The following ULK4 variants were observed in gnomAD, a reference collection of about 807,000 sequenced individuals.
The protein encoded by ULK4 is unc-51 like kinase 4.
A neutral mutation model predicts 160.6 loss-of-function variants in ULK4; 133 were observed. The observed-to-expected ratio is 0.83, with a 90% CI of 0.72 to 0.96. The LOEUF (loss-of-function observed/expected upper bound fraction) is 0.96. Among genes scored for constraint, ULK4 ranks in the 40% least tolerant of loss-of-function variants. The probability of loss-of-function intolerance (pLI) is 0.00; values close to 1 mark genes in which losing one functional copy is unlikely to be tolerated. For missense variants in ULK4, 1,580 were observed against 1,499.5 expected (o/e 1.05, Z -0.89); for synonymous variants, 534 against 539.8 (o/e 0.99, Z 0.15).
At chr3:41,620,316 C>A (rs1468975967) in intron 30 of ULK4, among the ~76,000 whole-genome samples, 1 of 150,728 alleles carries the variant, frequency 6.6e-6, no homozygotes. Context: ...AAAACAACAA[C>A]AAAAAATTTC....
At chr3:41,592,318 G>T (rs1289598776) in intron 31 of ULK4, among the ~76,000 whole-genome samples, 1 of 152,182 alleles carries the variant, frequency 6.6e-6, no homozygotes, top group East Asian at 1.9e-4. Context: ...GAAAAGCCCT[G>T]TGGGCTCTCT....
intron 30 of ULK4, among the ~76,000 whole-genome samples, chr3:41,628,507 T>G (rs1353366101): frequency 6.6e-6 from 1 of 152,108 alleles, no homozygotes. Context: ...CGGAAAAACA[T>G]GAGACAAACT....
intron 32 of ULK4, among the ~76,000 whole-genome samples, chr3:41,562,797 G>A (rs182718187): frequency 6.6e-6 from 1 of 152,212 alleles, no homozygotes; most frequent in East Asian, 1.9e-4. Context: ...ACACTGATGG[G>A]TCTTGATTCT....
chr3:41,354,010 T>C (rs1270133035), intron 35 of ULK4, among the ~76,000 whole-genome samples: 2 of 152,084 alleles, frequency 1.3e-5, no homozygotes, highest in Non-Finnish European at 2.9e-5. Flanking sequence ...GGCTCCACTG[T>C]CCCATGAGGA....
At chr3:41,956,258 A>T (rs946552544) in intron 1 of ULK4, among the ~76,000 whole-genome samples, 2 of 152,188 alleles carry the variant, frequency 1.3e-5, no homozygotes, top group African/African-American at 4.8e-5. Context: ...TGCAACCAAT[A>T]GACCGATTGC....
intron 32 of ULK4, among the ~76,000 whole-genome samples, chr3:41,533,113 C>A (rs1269797939): frequency 6.6e-6 from 1 of 152,128 alleles, no homozygotes; most frequent in African/African-American, 2.4e-5. Context: ...GTCCACCCTC[C>A]CCATACTGAG....
At chr3:41,617,393 C>T (rs1012987107) in intron 30 of ULK4, among the ~76,000 whole-genome samples, 6 of 152,216 alleles carry the variant, frequency 3.9e-5, no homozygotes, top group Non-Finnish European at 8.8e-5. Flanking sequence ...CAGGCCGGTG[C>T]CCCTCTGGGA....
At chr3:41,372,652 G>C (rs965714946) in intron 35 of ULK4, among the ~76,000 whole-genome samples, 11 of 152,168 alleles carry the variant, frequency 7.2e-5, no homozygotes, top group African/African-American at 2.7e-4. Flanking sequence ...ACTAAATATG[G>C]AAAGGAAAAG....
At chr3:41,842,105 C>G (rs578059060) in intron 17 of ULK4, among the ~76,000 whole-genome samples, 1 of 149,864 alleles carries the variant, frequency 6.7e-6, no homozygotes, top group East Asian at 2.0e-4. Flanking sequence ...CCACATCCCC[C>G]TCTCTGAGAA....
intron 25 of ULK4, among the ~76,000 whole-genome samples, chr3:41,708,129 TA>T (rs2036968484): frequency 6.6e-6 from 1 of 151,698 alleles, no homozygotes; most frequent in Non-Finnish European, 1.5e-5. Context: ...ATTAAAAATA[TA>T]AGTACCATAT....
At chr3:41,322,416 T>C (rs1431497936) in intron 35 of ULK4, among the ~76,000 whole-genome samples, 1 of 152,202 alleles carries the variant, frequency 6.6e-6, no homozygotes, top group Non-Finnish European at 1.5e-5. Flanking sequence ...CAGACAAATT[T>C]TTCTGAGGAG....
intron 27 of ULK4, among the ~76,000 whole-genome samples, chr3:41,697,349 C>G (rs974431303): frequency 2.6e-5 from 4 of 151,834 alleles, no homozygotes; most frequent in South Asian, 2.1e-4. Flanking sequence ...CTTGAGTAAG[C>G]CCAGACTAAC....
chr3:41,894,562 C>A (rs1698086845), intron 16 of ULK4, among the ~76,000 whole-genome samples: 1 of 152,132 alleles, frequency 6.6e-6, no homozygotes, highest in Non-Finnish European at 1.5e-5. Flanking sequence ...ACTTCTACAA[C>A]CCCAACCCCA....
At chr3:41,282,920 C>G (rs1254378479) in intron 35 of ULK4, among the ~76,000 whole-genome samples, 1 of 149,068 alleles carries the variant, frequency 6.7e-6, no homozygotes, top group Non-Finnish European at 1.5e-5. Flanking sequence ...GGGCTAATAT[C>G]TAGAATCTAC....
chr3:41,717,846 G>C lies in ULK4; in HGVS notation c.2337C>G (p.Ile779Met), dbSNP rs370220766. The C allele has an allele frequency of 4.3e-6, 7 of 1,613,810 alleles. No individual in the cohort carries two copies. In the East Asian group the frequency reaches 1.6e-4, roughly 36 times the overall value. The change falls in exon 23 of 37, where the codon ATC (isoleucine) becomes ATG (methionine). Residue 779 changes from isoleucine (I) to methionine (M), a missense_variant. Coordinates refer to ENST00000301831, the MANE Select transcript of ULK4 (RefSeq NM_017886.4). ...GAGTGGTCTTTCTGCTGTCTCTCTC[G>C]ATGTACATCACCAGTCTACATACAG... ...LSCQARLVMYIERDSRKTTPG... is the reference protein window; with the variant it reads ...LSCQARLVMYMERDSRKTTPG...
chr3:41,777,914 A>G (rs1469013176), intron 21 of ULK4, among the ~76,000 whole-genome samples: 1 of 141,876 alleles, frequency 7.0e-6, no homozygotes, highest in Admixed American at 7.1e-5. Context: ...TCCCTTTGAA[A>G]ACTGGCACAA....
In ULK4 at chr3:41,663,666, T is replaced by C. The variant is rs2035258790; in HGVS notation, c.3012A>G (p.Val1004=). 1.2e-6 allele frequency: 2 copies of C among 1,614,002 alleles called. No homozygotes were observed. The highest frequency in any genetic ancestry group is 1.7e-4 in the Middle Eastern group (1 of 6,060). ...CTAGCAGTTTCAGAGCATATGCTGG[T>C]ACTGGGTCAGGTTCTAAAAGAATGT... ...YEHILLEPDP[V]PAYALKLLVA... is the part of the protein sequence containing the mutation. The change falls in exon 30 of 37, where the codon GTA becomes GTG. Residue 1004 remains valine, a synonymous_variant. Coordinates refer to ENST00000301831, the MANE Select transcript of ULK4 (RefSeq NM_017886.4).
chr3:41,724,604 TC>T (rs1411522814), intron 22 of ULK4, among the ~76,000 whole-genome samples: 2 of 151,968 alleles, frequency 1.3e-5, no homozygotes, highest in African/African-American at 4.8e-5. Context: ...GCGCCTGTAG[TC>T]CCAGCTACTC....
chr3:41,690,149 G>A (rs1374662153), intron 27 of ULK4, among the ~76,000 whole-genome samples: 1 of 147,480 alleles, frequency 6.8e-6, no homozygotes, highest in South Asian at 2.2e-4. Flanking sequence ...TAGGGACATG[G>A]ATGAAATTGG....
Sources: gnomAD v4.1 joint callset for allele counts (sites outside exome capture counted in the v4.1 genomes callset) on GRCh38, gnomAD v4.1.1 for gene constraint, MANE v1.5 for transcripts, NCBI Gene and HGNC (gene_info 2026-07-23, HGNC 2026-07-21) for gene names.